RGCC: variants seen among roughly 807,000 people sequenced by gnomAD.
RGCC encodes the protein regulator of cell cycle RGCC.
A neutral mutation model predicts 15.4 loss-of-function variants in RGCC; 15 were observed. The ratio of observed to expected loss-of-function variants is 0.97; its 90% CI spans 0.65 to 1.50. The LOEUF (loss-of-function observed/expected upper bound fraction) is 1.50. Among genes scored for constraint, RGCC ranks in the 40% most tolerant of loss-of-function variants. The pLI, the probability that RGCC is intolerant of heterozygous loss-of-function variation, is 0.00. For missense variants in RGCC, 176 were observed against 189.7 expected, an observed-to-expected ratio of 0.93 and a Z score of 0.42; for synonymous variants, 81 against 78.0, an observed-to-expected ratio of 1.04 and a Z score of -0.20.
In RGCC at chr13:41,458,180, A is replaced by C; in HGVS notation, c.50-105A>C. ...GTGGCTGTCACTTGGCAGAGGCGCC[A>C]AGTGTCAGTTATCTTCGGGAACCGT... On this transcript the variant is annotated intron_variant, in intron 1 of 4. Transcript: ENST00000379359. This position sits in a 1 kb window ranked among gnomAD's most constrained non-coding sequence, Gnocchi z 4.4. 1 of 941,218 alleles carries C rather than the reference A, an allele frequency of 1.1e-6. No individual in the cohort carries two copies. The highest frequency in any genetic ancestry group is 1.5e-6 in the Non-Finnish European group (1 of 645,768). The allele number at this position is 941,218 out of a possible 1,614,324, so 58.3% of individuals were successfully genotyped here. A position where few individuals can be genotyped will look rare whatever the true frequency, so the allele number is the denominator to read the frequency against.
chr13:41,465,541 A>C (rs956162911), intron 2 of RGCC, among the ~76,000 whole-genome samples: 2 of 82,352 alleles, frequency 2.4e-5, no homozygotes, highest in African/African-American at 6.5e-5. Context: ...TAAGTAAGCT[A>C]GGCCCAGAGA....
At chr13:41,463,910 C>G (rs969510828) in intron 2 of RGCC, among the ~76,000 whole-genome samples, 4 of 152,188 alleles carry the variant, frequency 2.6e-5, no homozygotes, top group Non-Finnish European at 4.4e-5. Context: ...CGTTTGGCCT[C>G]CTTGCCTGTG....
At chr13:41,462,789 C>T (rs1347488177) in intron 2 of RGCC, among the ~76,000 whole-genome samples, 1 of 152,114 alleles carries the variant, frequency 6.6e-6, no homozygotes, top group Non-Finnish European at 1.5e-5. Flanking sequence ...ATCTGTCTTG[C>T]GTGAGATTTT....
intron 2 of RGCC, among the ~76,000 whole-genome samples, chr13:41,460,565 C>T (rs1466233115): frequency 6.6e-6 from 1 of 152,154 alleles, no homozygotes; most frequent in Non-Finnish European, 1.5e-5. Context: ...AGATCACATG[C>T]CTGTTTGTCA....
intron 2 of RGCC, among the ~76,000 whole-genome samples, chr13:41,462,681 T>C (rs1369921031): frequency 1.3e-5 from 2 of 152,186 alleles, no homozygotes; most frequent in Non-Finnish European, 2.9e-5. Context: ...AGCAACACAT[T>C]GCTGTCATTT....
At chr13:41,464,870 A>G (rs2043839756) in intron 2 of RGCC, among the ~76,000 whole-genome samples, 2 of 152,020 alleles carry the variant, frequency 1.3e-5, no homozygotes, top group Admixed American at 6.5e-5. Context: ...GTTGCTCTCA[A>G]GGGTCTTCTG....
intron 2 of RGCC, among the ~76,000 whole-genome samples, chr13:41,466,291 A>C (rs2043849139): frequency 6.6e-6 from 1 of 150,474 alleles, no homozygotes; most frequent in Non-Finnish European, 1.5e-5. Context: ...TCACACAAAC[A>C]CACACACACA....
intron 2 of RGCC, among the ~76,000 whole-genome samples, chr13:41,464,789 T>C (rs1330519171): frequency 1.3e-5 from 2 of 152,182 alleles, no homozygotes; most frequent in Non-Finnish European, 2.9e-5. Context: ...ATGTTCATCC[T>C]CAAAGCCCAG....
chr13:41,465,928 C>T (rs2043844672), intron 2 of RGCC, among the ~76,000 whole-genome samples: 1 of 152,082 alleles, frequency 6.6e-6, no homozygotes, highest in Non-Finnish European at 1.5e-5. Flanking sequence ...GGACATATTT[C>T]ACTTGAGATG....
intron 2 of RGCC, among the ~76,000 whole-genome samples, chr13:41,461,564 G>T (rs892292007): frequency 6.6e-6 from 1 of 152,156 alleles, no homozygotes; most frequent in South Asian, 2.1e-4. Flanking sequence ...TACCTTTAAG[G>T]TATTGGGGTT....
intron 2 of RGCC, among the ~76,000 whole-genome samples, chr13:41,465,722 A>C (rs2043843832): frequency 6.6e-6 from 1 of 152,174 alleles, no homozygotes; most frequent in African/African-American, 2.4e-5. Context: ...ATGAACTTCC[A>C]GGAGAAGATG....
At position 41,458,196 on chromosome 13, in the gene RGCC, C is replaced by T; in HGVS notation, c.50-89C>T. 3 of 1,124,776 alleles carry T rather than the reference C, an allele frequency of 2.7e-6. No individual in the cohort carries two copies. Among genetic ancestry groups the T allele is most frequent in the Non-Finnish European group, 2.5e-6 (2 of 809,110 alleles). 69.7% of individuals were successfully genotyped at this position (1,124,776 alleles called of 1,614,324 possible). A position where few individuals can be genotyped will look rare whatever the true frequency, so the allele number is the denominator to read the frequency against. On this transcript the variant is annotated intron_variant, in intron 1 of 4. Transcript: ENST00000379359. The surrounding 1 kb of genome is among the most constrained non-coding windows in gnomAD (Gnocchi z 4.4). ...AGAGGCGCCAAGTGTCAGTTATCTT[C>T]GGGAACCGTGGCGGCCCCTCCTGGC...
intron 2 of RGCC, among the ~76,000 whole-genome samples, chr13:41,459,664 G>T (rs2043811171): frequency 6.6e-6 from 1 of 152,256 alleles, no homozygotes; most frequent in Non-Finnish European, 1.5e-5. Flanking sequence ...GGGGATGGAA[G>T]AAAGTACTGT....
In RGCC at chr13:41,466,069, A is replaced by ACACACACACACACT. The variant is rs1204957102; in HGVS notation, c.236-753_236-752insACACACACACACTC. 5.2e-3 allele frequency among the ~76,000 whole-genome samples: 794 copies of ACACACACACACACT among 151,350 alleles called. 6 individuals carry two copies. Among genetic ancestry groups the ACACACACACACACT allele is most frequent in the African/African-American group, 0.018 (759 of 41,150 alleles). On this transcript the variant is annotated intron_variant, in intron 2 of 4. Coordinates refer to ENST00000379359, the MANE Select transcript of RGCC (RefSeq NM_014059.3). ...GGTATACTTGATTTGACACACACAC[A>ACACACACACACACT]CTCTCTCACTTCTCACTCACACTCT...
At chr13:41,462,175 C>T (rs1328459196) in intron 2 of RGCC, among the ~76,000 whole-genome samples, 1 of 152,162 alleles carries the variant, frequency 6.6e-6, no homozygotes, top group Non-Finnish European at 1.5e-5. Flanking sequence ...TTGCTTTAAA[C>T]GTGTGGGATC....
In RGCC at chr13:41,469,289, T is replaced by TAAG. The variant is rs769260478; in HGVS notation, c.406+453_406+454insGAA. Among the ~76,000 whole-genome samples the TAAG allele has an allele frequency of 1.7e-3, 175 of 101,106 alleles. 1 individual carries two copies. The highest frequency in any genetic ancestry group is 0.012 in the East Asian group (45 of 3,746). 66.3% of individuals were successfully genotyped at this position (101,106 alleles called of 152,430 possible). ...GTAATAATAATAATAATAATAATAATAATAATAAGAAGAAGAAGAAGAAGA... is the reference window on the plus strand; with the variant it reads ...GTAATAATAATAATAATAATAATAATAAGAATAATAAGAAGAAGAAGAAGAAGA... On this transcript the variant is annotated intron_variant, in intron 4 of 4. Transcript: ENST00000379359.
chr13:41,461,910 C>T (rs2043823040), intron 2 of RGCC, among the ~76,000 whole-genome samples: 1 of 152,198 alleles, frequency 6.6e-6, no homozygotes, highest in Non-Finnish European at 1.5e-5. Flanking sequence ...ACTGTGTTAG[C>T]AATTCTGCAT....
Position 41,458,207 on chromosome 13 carries a change from G to C in RGCC, c.50-78G>C, listed in dbSNP as rs930731156. On this transcript the variant is annotated intron_variant, in intron 1 of 4. Transcript: ENST00000379359. The surrounding 1 kb of genome is among the most constrained non-coding windows in gnomAD (Gnocchi z 4.4). ...GTGTCAGTTATCTTCGGGAACCGTG[G>C]CGGCCCCTCCTGGCCCTGGGAGGTG... 4 of 1,214,994 alleles carry C rather than the reference G, an allele frequency of 3.3e-6. No homozygotes were observed. Among genetic ancestry groups the C allele is most frequent in the Middle Eastern group, 2.8e-4 (1 of 3,598 alleles). 75.3% of individuals were successfully genotyped at this position (1,214,994 alleles called of 1,614,324 possible).
Position 41,457,933 on chromosome 13 carries a change from C to G in RGCC, c.49+177C>G, listed in dbSNP as rs563757861. Reference sequence around the variant, plus strand: ...CCTCCTTTCCGGCCCGGGCTGGCCCCCATGTCCCACCTTCCCTCCACCACC... The same window carrying G: ...CCTCCTTTCCGGCCCGGGCTGGCCCGCATGTCCCACCTTCCCTCCACCACC... On this transcript the variant is annotated intron_variant, in intron 1 of 4. Transcript: ENST00000379359. The surrounding 1 kb of genome is among the most constrained non-coding windows in gnomAD (Gnocchi z 4.9). Among the ~76,000 whole-genome samples the G allele has an allele frequency of 1.3e-5, 2 of 151,954 alleles. No homozygotes were observed. The highest frequency in any genetic ancestry group is 2.1e-4 in the South Asian group (1 of 4,812).
Sources: gnomAD v4.1 joint callset for allele counts (sites outside exome capture counted in the v4.1 genomes callset) on GRCh38, gnomAD v4.1.1 for gene constraint, Gnocchi (gnomAD v3.1) non-coding constraint, MANE v1.5 for transcripts, NCBI Gene and HGNC (gene_info 2026-07-23, HGNC 2026-07-21) for gene names.